PIK3C2G: variants seen among roughly 807,000 people sequenced by gnomAD.
PIK3C2G encodes phosphatidylinositol-4-phosphate 3-kinase catalytic subunit type 2 gamma, also known as phosphatidylinositol 3-kinase C2 domain-containing subunit gamma.
In PIK3C2G, 168 loss-of-function variants were observed where a neutral mutation model predicts 181.1. That is an observed-to-expected ratio of 0.93 (90% CI 0.82 to 1.05). The LOEUF (loss-of-function observed/expected upper bound fraction) is 1.05, where lower values mean the gene tolerates loss of function less well. Ranked by LOEUF, PIK3C2G falls within the 50% of genes least tolerant of loss-of-function variation. The probability of loss-of-function intolerance (pLI) is 0.00; values close to 1 mark genes in which losing one functional copy is unlikely to be tolerated. For synonymous variants in PIK3C2G, 573 were observed against 592.2 expected, an observed-to-expected ratio of 0.97 and a Z score of 0.47; for missense variants, 1,869 against 1,732.8, an observed-to-expected ratio of 1.08 and a Z score of -1.40.
the PIK3C2G span, chr12:18,688,346 T>G: frequency 1.1e-6 from 1 of 906,064 alleles, no homozygotes; most frequent in Non-Finnish European, 1.6e-6. Context: ...ACATTGAAAG[T>G]GGAATACAAT....
chr12:18,362,000 C>A (rs1039566274), intron 11 of PIK3C2G, among the ~76,000 whole-genome samples: 1 of 151,926 alleles, frequency 6.6e-6, no homozygotes, highest in Non-Finnish European at 1.5e-5. Flanking sequence ...CAACAGTCTC[C>A]AGGCATCTAG....
intron 30 of PIK3C2G, among the ~76,000 whole-genome samples, chr12:18,601,518 T>C (rs1947712797): frequency 6.6e-6 from 1 of 152,000 alleles, no homozygotes; most frequent in Non-Finnish European, 1.5e-5. Flanking sequence ...AATACAAAAT[T>C]ACAGCTAGAT....
chr12:18,599,416 C>G (rs1273581380), intron 30 of PIK3C2G, among the ~76,000 whole-genome samples: 1 of 151,388 alleles, frequency 6.6e-6, no homozygotes, highest in Non-Finnish European at 1.5e-5. Context: ...CCAAACACCG[C>G]ATATTCTCAC....
At chr12:18,460,509 G>C (rs1461370836) in intron 18 of PIK3C2G, among the ~76,000 whole-genome samples, 1 of 151,738 alleles carries the variant, frequency 6.6e-6, no homozygotes, top group Non-Finnish European at 1.5e-5. Context: ...GGGAGGCAGA[G>C]GTTGCAGTGA....
chr12:18,662,326 A>G, the PIK3C2G span, among the ~76,000 whole-genome samples: 1 of 152,104 alleles, frequency 6.6e-6, no homozygotes, highest in Non-Finnish European at 1.5e-5. Context: ...TTTTAAGTAC[A>G]ATTTTTAAAA....
chr12:18,406,275 A>G (rs1425915212), intron 16 of PIK3C2G, among the ~76,000 whole-genome samples: 1 of 152,148 alleles, frequency 6.6e-6, no homozygotes, highest in Non-Finnish European at 1.5e-5. Flanking sequence ...TTATCCATTC[A>G]TCCTTTAATG....
intron 24 of PIK3C2G, among the ~76,000 whole-genome samples, chr12:18,519,146 T>A (rs1426408834): frequency 6.6e-6 from 1 of 152,240 alleles, no homozygotes; most frequent in Non-Finnish European, 1.5e-5. Flanking sequence ...GTGTTTTACT[T>A]CCAATTATAT....
At chr12:18,699,798 C>T in the PIK3C2G span, 5 of 1,613,066 alleles carry the variant, frequency 3.1e-6, no homozygotes, top group East Asian at 2.2e-5. Context: ...ATTTACCTCG[C>T]AATTTTGAAA....
the PIK3C2G span, among the ~76,000 whole-genome samples, chr12:18,721,988 C>T: frequency 6.6e-6 from 1 of 151,948 alleles, no homozygotes; most frequent in East Asian, 1.9e-4. Flanking sequence ...CCAAACTCAT[C>T]TCTCTCTCAT....
intron 26 of PIK3C2G, among the ~76,000 whole-genome samples, chr12:18,559,866 A>AGAGG (rs1491532709): frequency 1.6e-4 from 20 of 124,052 alleles, no homozygotes; most frequent in Non-Finnish European, 3.3e-4. Flanking sequence ...AGAGAGAGAG[A>AGAGG]CAGTTTTGCT....
At chr12:18,557,581 A>G (rs1350302137) in intron 26 of PIK3C2G, among the ~76,000 whole-genome samples, 1 of 152,116 alleles carries the variant, frequency 6.6e-6, no homozygotes, top group East Asian at 1.9e-4. Flanking sequence ...TCAGGAACAC[A>G]CCAAAAATGG....
At chr12:18,486,452 A>T (rs1940042582) in intron 18 of PIK3C2G, among the ~76,000 whole-genome samples, 1 of 152,096 alleles carries the variant, frequency 6.6e-6, no homozygotes, top group South Asian at 2.1e-4. Flanking sequence ...ATTTCAATAG[A>T]ATAAGGAATA....
chr12:18,667,314 G>C, the PIK3C2G span, among the ~76,000 whole-genome samples: 1 of 152,192 alleles, frequency 6.6e-6, no homozygotes, highest in East Asian at 1.9e-4. Flanking sequence ...CTTGGTGGGA[G>C]AAACCTCCTA....
At chr12:18,366,737 T>A in intron 12 of PIK3C2G, among the ~76,000 whole-genome samples, 1 of 143,660 alleles carries the variant, frequency 7.0e-6, no homozygotes, top group East Asian at 2.0e-4. Context: ...TGTTCCTTGG[T>A]TTAAAAAAAA....
At chr12:18,688,151 A>G in the PIK3C2G span, 14 of 1,611,712 alleles carry the variant, frequency 8.7e-6, no homozygotes, top group East Asian at 2.2e-5. Context: ...AAAAACTTCT[A>G]TAATTACTAA....
chr12:18,351,600 T>C (rs947928581), intron 11 of PIK3C2G, among the ~76,000 whole-genome samples: 2 of 152,204 alleles, frequency 1.3e-5, no homozygotes, highest in Non-Finnish European at 2.9e-5. Flanking sequence ...TAACCTGCAT[T>C]ACAGTTGTCC....
intron 24 of PIK3C2G, among the ~76,000 whole-genome samples, chr12:18,524,587 C>T (rs1361776979): frequency 5.4e-5 from 8 of 148,710 alleles, no homozygotes; most frequent in Non-Finnish European, 8.9e-5. Context: ...TCTTTTGAGC[C>T]GGAGTTCCAA....
At chr12:18,374,231 G>C (rs1942276333) in intron 13 of PIK3C2G, among the ~76,000 whole-genome samples, 1 of 152,122 alleles carries the variant, frequency 6.6e-6, no homozygotes, top group African/African-American at 2.4e-5. Flanking sequence ...CCCAAGGTGA[G>C]TTTAAAACCT....
chr12:18,369,447 A>G (rs925317885), intron 12 of PIK3C2G, among the ~76,000 whole-genome samples: 14 of 151,094 alleles, frequency 9.3e-5, no homozygotes, highest in Admixed American at 8.0e-4. Flanking sequence ...TCATATAACG[A>G]TCGTATAATT....
Sources: gnomAD v4.1 joint callset for allele counts (sites outside exome capture counted in the v4.1 genomes callset) on GRCh38, gnomAD v4.1.1 for gene constraint, MANE v1.5 for transcripts, NCBI Gene and HGNC (gene_info 2026-07-23, HGNC 2026-07-21) for gene names.